The following HADHB variants were observed in gnomAD, a reference collection of about 807,000 sequenced individuals.
HADHB encodes the protein hydroxyacyl-CoA dehydrogenase trifunctional multienzyme complex subunit beta, also known as trifunctional enzyme subunit beta, mitochondrial.
Under a neutral mutation model 61.9 loss-of-function variants are expected in HADHB, and 50 were observed. The observed-to-expected ratio is 0.81, with a 90% CI of 0.64 to 1.02. The LOEUF (loss-of-function observed/expected upper bound fraction) is 1.02, where lower values mean the gene tolerates loss of function less well. HADHB is among the 50% of genes least tolerant of loss of function. HADHB has a pLI of 0.00. For synonymous variants in HADHB, 191 were observed against 201.6 expected (o/e 0.95, Z 0.45); for missense variants, 504 against 586.5 (o/e 0.86, Z 1.45).
At chr2:26,249,600 A>G (rs72849941) in intron 1 of HADHB, among the ~76,000 whole-genome samples, 191 of 152,100 alleles carry the variant, frequency 1.3e-3, no homozygotes, top group African/African-American at 4.4e-3. Flanking sequence ...GGATTCGGCC[A>G]GGACTCTTCT....
intron 4 of HADHB, among the ~76,000 whole-genome samples, chr2:26,265,594 T>C (rs1672042401): frequency 7.6e-6 from 1 of 131,932 alleles, no homozygotes; most frequent in South Asian, 2.5e-4. Context: ...AAACTCCATC[T>C]CAAAACAACA....
At chr2:26,274,080 G>A (rs1672450547) in intron 6 of HADHB, among the ~76,000 whole-genome samples, 1 of 152,174 alleles carries the variant, frequency 6.6e-6, no homozygotes, top group African/African-American at 2.4e-5. Flanking sequence ...AGATATCATG[G>A]CTTCCAATTA....
At chr2:26,262,768 T>G (rs908051692) in intron 3 of HADHB, among the ~76,000 whole-genome samples, 1 of 152,338 alleles carries the variant, frequency 6.6e-6, no homozygotes, top group Non-Finnish European at 1.5e-5. Context: ...CGTGTAAATT[T>G]GGTTACTTCT....
intron 4 of HADHB, among the ~76,000 whole-genome samples, chr2:26,269,546 GT>G (rs1437171903): frequency 6.6e-6 from 1 of 152,016 alleles, no homozygotes; most frequent in Non-Finnish European, 1.5e-5. Context: ...AAAGCAAAAA[GT>G]TTCTTCAAAA....
intron 5 of HADHB, among the ~76,000 whole-genome samples, chr2:26,271,443 G>C (rs1672344548): frequency 6.6e-6 from 1 of 152,116 alleles, no homozygotes; most frequent in South Asian, 2.1e-4. Context: ...GGAGGCAGAG[G>C]TTGCAGTGAG....
At chr2:26,278,275 T>C (rs1672631417) in intron 7 of HADHB, among the ~76,000 whole-genome samples, 1 of 152,226 alleles carries the variant, frequency 6.6e-6, no homozygotes, top group South Asian at 2.1e-4. Context: ...ATTCTCTTTA[T>C]AGGATAAAAA....
intron 3 of HADHB, chr2:26,261,146 T>A (rs1333592874): frequency 9.4e-6 from 7 of 744,968 alleles, no homozygotes; most frequent in African/African-American, 1.7e-5. Context: ...TGGCAGGGAC[T>A]GTAAGCAGGG....
At chr2:26,266,871 C>CAAAAA (rs56401595) in intron 4 of HADHB, among the ~76,000 whole-genome samples, 4 of 45,416 alleles carry the variant, frequency 8.8e-5, no homozygotes, top group Admixed American at 3.2e-4. Context: ...CACTCTCTCT[C>CAAAAA]AAAAAAAAAA....
intron 13 of HADHB, among the ~76,000 whole-genome samples, 189 bp from the exon 14 acceptor site, chr2:26,284,694 T>G (rs1211817224): frequency 6.6e-6 from 1 of 152,120 alleles, no homozygotes; most frequent in Non-Finnish European, 1.5e-5. Flanking sequence ...CTTGAACTCC[T>G]GACCTCAGAT....
intron 4 of HADHB, among the ~76,000 whole-genome samples, chr2:26,269,555 A>G (rs531425689): frequency 2.4e-4 from 37 of 152,322 alleles, no homozygotes; most frequent in Middle Eastern, 6.8e-3. Flanking sequence ...AGTTTCTTCA[A>G]AAGTCCTAAT....
intron 12 of HADHB, among the ~76,000 whole-genome samples, chr2:26,283,513 G>A (rs1465365838): frequency 2.0e-5 from 3 of 152,026 alleles, no homozygotes; most frequent in African/African-American, 7.2e-5. Context: ...GACAGAGCGA[G>A]ACTCCATCTC....
At chr2:26,263,615 T>C in intron 4 of HADHB, 136 bp downstream of exon 4, 6 of 715,212 alleles carry the variant, frequency 8.4e-6, no homozygotes, top group South Asian at 1.5e-5. Context: ...GAAATTAATA[T>C]AGAATAAGTC....
At chr2:26,260,804 G>A in intron 3 of HADHB, 1 of 583,434 alleles carries the variant, frequency 1.7e-6, no homozygotes, top group South Asian at 2.0e-5. Flanking sequence ...CACATGGTAT[G>A]TCCCTTTCCT....
At chr2:26,266,650 C>T (rs979928506) in intron 4 of HADHB, among the ~76,000 whole-genome samples, 12 of 151,580 alleles carry the variant, frequency 7.9e-5, no homozygotes, top group Middle Eastern at 3.2e-3. Context: ...GAGGCTGAGG[C>T]GGGCGGATCA....
At chr2:26,245,146 A>C (rs1283481097) in intron 1 of HADHB, 156 bp downstream of exon 1, 1 of 219,878 alleles carries the variant, frequency 4.5e-6, no homozygotes, top group East Asian at 1.1e-4. Flanking sequence ...CAAGGTCGGC[A>C]GTGCTAGCTG....
chr2:26,279,383 C>G, intron 9 of HADHB, 68 bp downstream of exon 9: 2 of 1,111,624 alleles, frequency 1.8e-6, no homozygotes, highest in South Asian at 1.2e-5. Context: ...AAAAACATCC[C>G]GAGTGATTTT....
rs192758776 is a variant in HADHB at position 26,248,134 on chromosome 2, A to G, written c.-9+3144A>G. On this transcript the variant is annotated intron_variant, in intron 1 of 15. Transcript: ENST00000317799. ...CCCTATTTTCCAGTTATTCTAATCT[A>G]TTATTCTAATTTCTAATACACATTG... Among the ~76,000 whole-genome samples, 129 of 152,226 alleles carry G rather than the reference A, an allele frequency of 8.5e-4. 1 individual carries two copies. Among genetic ancestry groups the G allele is most frequent in the Admixed American group, 3.5e-3 (54 of 15,274 alleles).
intron 4 of HADHB, among the ~76,000 whole-genome samples, chr2:26,266,475 A>G (rs1437743700): frequency 8.5e-5 from 13 of 152,140 alleles, no homozygotes; most frequent in Non-Finnish European, 1.3e-4. Flanking sequence ...CCAGGTTCTT[A>G]TGGGTAGGGG....
At chr2:26,284,348 G>A in intron 13 of HADHB, 144 bp downstream of exon 13, 1 of 723,232 alleles carries the variant, frequency 1.4e-6, no homozygotes, top group South Asian at 1.5e-5. Context: ...CACACTGCTG[G>A]GAGGGGCCCG....
Sources: allele counts gnomAD v4.1 joint callset (sites outside exome capture counted in the v4.1 genomes callset), GRCh38; gene constraint gnomAD v4.1.1; transcripts MANE v1.5; gene names NCBI Gene and HGNC (gene_info 2026-07-23, HGNC 2026-07-21).